Variants in RAB11B observed in about 807,000 individuals in gnomAD.
The protein encoded by RAB11B is ras-related protein Rab-11B.
A neutral mutation model predicts 23.7 loss-of-function variants in RAB11B; 7 were observed. The observed-to-expected ratio is 0.29, with a 90% CI of 0.17 to 0.55. The LOEUF (loss-of-function observed/expected upper bound fraction) is 0.55. RAB11B is among the 20% of genes least tolerant of loss of function. RAB11B has a pLI of 0.93. For synonymous variants in RAB11B, 138 were observed against 132.0 expected (o/e 1.05, Z -0.31); for missense variants, 189 against 320.0 (o/e 0.59, Z 3.12).
chr19:8,392,641 C>T (rs572098505), intron 1 of RAB11B, among the ~76,000 whole-genome samples: 3 of 151,048 alleles, frequency 2.0e-5, no homozygotes, highest in South Asian at 2.1e-4. Flanking sequence ...CATCAGAGGA[C>T]CTCCTCTATT....
intron 2 of RAB11B, 173 bp downstream of exon 2, chr19:8,400,231 G>A: frequency 1.2e-6 from 1 of 811,720 alleles, no homozygotes; most frequent in Non-Finnish European, 1.9e-6. Flanking sequence ...CCCTCAGGCT[G>A]ACCAGCGCCC....
intron 1 of RAB11B, among the ~76,000 whole-genome samples, chr19:8,398,358 G>C (rs1320538965): frequency 1.3e-5 from 2 of 152,234 alleles, no homozygotes; most frequent in Non-Finnish European, 2.9e-5. Flanking sequence ...GCCAGGGTTT[G>C]CATCTTGGCA....
intron 1 of RAB11B, among the ~76,000 whole-genome samples, chr19:8,398,580 C>T (rs1971413880): frequency 6.6e-6 from 1 of 152,182 alleles, no homozygotes; most frequent in South Asian, 2.1e-4. Context: ...GGGCTGCGTC[C>T]TCAGGGCACA....
rs886597469 is a variant in RAB11B at position 8,402,182 on chromosome 19, C to G, written c.333C>G (p.Asp111Glu). ...NVERWLKELR[D>E]HADSNIVIML... ...AGCGCTGGCTGAAGGAGCTGCGGGA[C>G]CACGCAGACAGCAACATCGTCATCA... Residue 111 changes from aspartate (D) to glutamate (E), a missense_variant, in exon 3 of 5, where the codon GAC (aspartate) becomes GAG (glutamate). Physicochemically the swap from Asp to Glu is conservative, Grantham distance 45 (BLOSUM62 2). Transcript: ENST00000328024. 2 of 1,599,128 alleles carry G rather than the reference C, an allele frequency of 1.3e-6. No individual in the cohort carries two copies. Among genetic ancestry groups the G allele is most frequent in the Non-Finnish European group, 8.5e-7 (1 of 1,172,942 alleles).
intron 1 of RAB11B, 184 bp downstream of exon 1, chr19:8,390,640 A>G (rs1172826821): frequency 5.1e-6 from 3 of 588,828 alleles, no homozygotes; most frequent in East Asian, 7.6e-5. Context: ...ATGCGCGGCT[A>G]TACGGAGCCG....
intron 4 of RAB11B, 97 bp from the exon 5 acceptor site, chr19:8,403,316 T>C: frequency 1.4e-6 from 2 of 1,460,078 alleles, no homozygotes; most frequent in African/African-American, 1.4e-5. Context: ...GCTGTGGGGG[T>C]CTGGAGAGGG....
chr19:8,390,432 G>A lies in RAB11B; in HGVS notation c.16G>A (p.Asp6Asn). ...CGCCAGGACAATGGGGACCCGGGAC[G>A]ACGAGTACGACTACCTATTCAAAGG... is the stretch of plus-strand genomic sequence containing the variant. Reference protein sequence around the residue: MGTRDDEYDYLFKVVL... With the variant: MGTRDNEYDYLFKVVL... Residue 6 changes from aspartate (D) to asparagine (N), a missense_variant, in exon 1 of 5, where the codon GAC becomes AAC. Transcript: ENST00000328024. The A allele has an allele frequency of 6.6e-7, 1 of 1,523,688 alleles. No individual in the cohort carries two copies. The highest frequency in any genetic ancestry group is 8.8e-7 in the Non-Finnish European group (1 of 1,140,456). The allele number at this position is 1,523,688 out of a possible 1,614,324, so 94.4% of individuals were successfully genotyped here. A position where few individuals can be genotyped will look rare whatever the true frequency, so the allele number is the denominator to read the frequency against.
intron 4 of RAB11B, chr19:8,402,862 A>G: frequency 1.9e-6 from 1 of 537,352 alleles, no homozygotes; most frequent in African/African-American, 1.9e-5. Flanking sequence ...AGGATTTCAC[A>G]ATGTTGTCCA....
At chr19:8,394,815 G>A (rs1343093451) in intron 1 of RAB11B, among the ~76,000 whole-genome samples, 43 of 152,184 alleles carry the variant, frequency 2.8e-4, no homozygotes, top group Admixed American at 2.7e-3. Context: ...CTATAATCCC[G>A]GCTACTCGGG....
intron 1 of RAB11B, among the ~76,000 whole-genome samples, chr19:8,394,024 T>G (rs1026310331): frequency 6.6e-6 from 1 of 152,220 alleles, no homozygotes; most frequent in Non-Finnish European, 1.5e-5. Context: ...CAAGGGCTCT[T>G]TATTTCCCCA....
At chr19:8,391,010 T>A (rs1422012309) in intron 1 of RAB11B, among the ~76,000 whole-genome samples, 2 of 147,354 alleles carry the variant, frequency 1.4e-5, no homozygotes, top group East Asian at 4.1e-4. Context: ...GGGTGAGGTG[T>A]GTGGTGGTGG....
chr19:8,394,374 C>T (rs1381504901), intron 1 of RAB11B, among the ~76,000 whole-genome samples: 5 of 152,066 alleles, frequency 3.3e-5, no homozygotes, highest in African/African-American at 9.7e-5. Context: ...AGGCTGGTCT[C>T]GAACTCCTGA....
In RAB11B at chr19:8,402,129, G is replaced by C; in HGVS notation, c.280G>C (p.Ala94Pro). 6.2e-7 allele frequency: 1 copy of C among 1,608,334 alleles called. No individual in the cohort carries two copies. The highest frequency in any genetic ancestry group is 8.5e-7 in the Non-Finnish European group (1 of 1,177,524). The change falls in exon 3 of 5, where the codon GCC becomes CCC. Residue 94 changes from alanine to proline, a missense_variant. Around this residue, in one of 5 missense-constraint regions of RAB11B, gnomAD observed 17 missense variants for 63.0 expected, o/e 0.27. Transcript: ENST00000328024. Reference protein sequence around the residue: ...AVGALLVYDIAKHLTYENVER... With the variant: ...AVGALLVYDIPKHLTYENVER... The stretch of plus-strand genomic sequence containing the variant: ...GGGCGCCCTGCTGGTGTACGACATC[G>C]CCAAGCACCTGACCTATGAGAACGT...
chr19:8,403,386 C>T (rs1971453500), intron 4 of RAB11B, 27 bp from the exon 5 acceptor site: 1 of 1,591,924 alleles, frequency 6.3e-7, no homozygotes, highest in Admixed American at 1.7e-5. Context: ...CTGGCTCACC[C>T]CACGTCCCCC....
chr19:8,402,715 T>G, intron 4 of RAB11B, 150 bp downstream of exon 4: 1 of 656,684 alleles, frequency 1.5e-6, no homozygotes, highest in East Asian at 2.8e-5. Context: ...CAGGCTGGAG[T>G]GTGGTGGCTC....
Position 8,403,828 on chromosome 19 carries a change from C to CT in RAB11B, c.*271dup, listed in dbSNP as rs1568229866. The CT allele has an allele frequency of 2.2e-6, 1 of 448,856 alleles. No individual in the cohort carries two copies. Among genetic ancestry groups the CT allele is most frequent in the Non-Finnish European group, 3.9e-6 (1 of 254,528 alleles). 27.8% of individuals were successfully genotyped at this position (448,856 alleles called of 1,614,324 possible). A position where few individuals can be genotyped will look rare whatever the true frequency, so the allele number is the denominator to read the frequency against. On this transcript the variant is annotated 3_prime_UTR_variant, in exon 5 of 5. Transcript: ENST00000328024. Reference sequence around the variant, plus strand: ...GGGGAGGGCGGCAGGATGGACGGGGCTGGCCAGAGGCGAGGAGGACGGGCG... The same window carrying CT: ...GGGGAGGGCGGCAGGATGGACGGGGCTTGGCCAGAGGCGAGGAGGACGGGCG...
intron 1 of RAB11B, among the ~76,000 whole-genome samples, chr19:8,394,766 C>T (rs1160725381): frequency 6.6e-6 from 1 of 152,170 alleles, no homozygotes; most frequent in African/African-American, 2.4e-5. Flanking sequence ...CCCACCTCTA[C>T]TAAAAATACA....
chr19:8,402,884 A>G (rs2967606), intron 4 of RAB11B: 131,573 of 485,838 alleles, frequency 0.27, 19,311 homozygotes, highest in Middle Eastern at 0.31. Context: ...GTTGATCTCG[A>G]ACTCCTGGGC....
In RAB11B at chr19:8,399,924, C is replaced by T. The variant is rs1320250844; in HGVS notation, c.102C>T (p.Asn34=). Residue 34 remains asparagine, a synonymous_variant, in exon 2 of 5, where the codon AAC becomes AAT. Coordinates refer to ENST00000328024, the MANE Select transcript of RAB11B (RefSeq NM_004218.4). ...KSNLLSRFTR[N]EFNLESKSTI... The stretch of plus-strand genomic sequence containing the variant: ...ACCTGCTGTCGCGCTTCACCCGCAA[C>T]GAGTTCAACCTGGAGAGCAAGAGCA... 3 of 1,614,204 alleles carry T rather than the reference C, an allele frequency of 1.9e-6. No homozygotes were observed. The highest frequency in any genetic ancestry group is 2.2e-5 in the South Asian group (2 of 91,090).
Sources: allele counts gnomAD v4.1 joint callset (sites outside exome capture counted in the v4.1 genomes callset), GRCh38; gene constraint gnomAD v4.1.1; regional missense constraint gnomAD v4.1.1; transcripts MANE v1.5; gene names NCBI Gene and HGNC (gene_info 2026-07-23, HGNC 2026-07-21).